The following NEDD4L variants were observed in gnomAD, a reference collection of about 807,000 sequenced individuals.
The protein encoded by NEDD4L is NEDD4 like E3 ubiquitin protein ligase.
In NEDD4L, 54 loss-of-function variants were observed where a neutral mutation model predicts 148.9. The observed-to-expected ratio is 0.36, with a 90% confidence interval of 0.29 to 0.45. The LOEUF (loss-of-function observed/expected upper bound fraction) is 0.45. Ranked by LOEUF, NEDD4L falls within the 20% of genes least tolerant of loss-of-function variation. The probability of loss-of-function intolerance (pLI) is 1.00; values close to 1 mark genes in which losing one functional copy is unlikely to be tolerated. For missense variants in NEDD4L, 856 were observed against 1,233.8 expected (o/e 0.69, Z 4.59); for synonymous variants, 433 against 440.7 (o/e 0.98, Z 0.22).
chr18:58,343,416 T>C (rs1568777982), intron 16 of NEDD4L, among the ~76,000 whole-genome samples: 1 of 152,214 alleles, frequency 6.6e-6, no homozygotes, highest in Admixed American at 6.5e-5. Context: ...ATTGATCCCG[T>C]CTCACAAAGT....
intron 1 of NEDD4L, among the ~76,000 whole-genome samples, chr18:58,124,487 T>G (rs577837): frequency 0.88 from 133,603 of 152,184 alleles, 58,704 homozygotes; most frequent in East Asian, 0.93. Flanking sequence ...TCTCCATCCA[T>G]CCCAAACCTT....
intron 2 of NEDD4L, among the ~76,000 whole-genome samples, chr18:58,220,831 C>T (rs905156767): frequency 6.6e-6 from 1 of 152,042 alleles, no homozygotes; most frequent in Non-Finnish European, 1.5e-5. Context: ...GTTTGACTTG[C>T]TCTTGGAATT....
At chr18:58,286,557 C>G (rs934234340) in intron 5 of NEDD4L, among the ~76,000 whole-genome samples, 2 of 152,126 alleles carry the variant, frequency 1.3e-5, no homozygotes, top group African/African-American at 4.8e-5. Flanking sequence ...CTTATCTAGT[C>G]TGCACTCTTT....
chr18:58,367,655 CTG>C, intron 21 of NEDD4L, 89 bp from the exon 22 acceptor site: 1 of 1,394,464 alleles, frequency 7.2e-7, no homozygotes, highest in Non-Finnish European at 1.0e-6. Context: ...CGCAGGGACA[CTG>C]TAAAAGTTGA....
At chr18:58,315,393 G>C (rs529213922) in intron 5 of NEDD4L, among the ~76,000 whole-genome samples, 1 of 152,074 alleles carries the variant, frequency 6.6e-6, no homozygotes, top group Non-Finnish European at 1.5e-5. Context: ...TGTGGAGAGG[G>C]AGAGGCATGG....
At chr18:58,077,777 A>G (rs963384995) in intron 1 of NEDD4L, among the ~76,000 whole-genome samples, 17 of 152,078 alleles carry the variant, frequency 1.1e-4, no homozygotes, top group African/African-American at 4.1e-4. Flanking sequence ...CTGACCATAG[A>G]GCTCCATTTT....
intron 6 of NEDD4L, among the ~76,000 whole-genome samples, chr18:58,317,333 AC>A (rs2149428851): frequency 6.6e-6 from 1 of 152,236 alleles, no homozygotes; most frequent in South Asian, 2.1e-4. Flanking sequence ...GTGAGCAAAG[AC>A]CTCGCATCCT....
chr18:58,390,604 G>A (rs1276299203), intron 28 of NEDD4L, 42 bp from the exon 29 acceptor site: 3 of 1,262,190 alleles, frequency 2.4e-6, no homozygotes, highest in South Asian at 1.3e-5. Context: ...ATGTGCCATG[G>A]GTCACGTGGG....
chr18:58,134,090 T>A (rs2044722888), intron 1 of NEDD4L, among the ~76,000 whole-genome samples: 1 of 152,200 alleles, frequency 6.6e-6, no homozygotes, highest in South Asian at 2.1e-4. Context: ...AACCTCCATC[T>A]CCTGGGTTTA....
At chr18:58,353,605 T>C (rs537742983) in intron 18 of NEDD4L, among the ~76,000 whole-genome samples, 10 of 152,354 alleles carry the variant, frequency 6.6e-5, no homozygotes, top group African/African-American at 2.4e-4. Context: ...CATTTGCCTT[T>C]CCACAAAATT....
chr18:58,093,954 A>G (rs752267466), intron 1 of NEDD4L, among the ~76,000 whole-genome samples: 7 of 152,168 alleles, frequency 4.6e-5, no homozygotes, highest in Non-Finnish European at 1.0e-4. Context: ...TTCCAGAGTG[A>G]TTGAGGCAGG....
At chr18:58,265,842 G>A (rs564661954) in intron 5 of NEDD4L, among the ~76,000 whole-genome samples, 1 of 152,210 alleles carries the variant, frequency 6.6e-6, no homozygotes, top group Non-Finnish European at 1.5e-5. Context: ...GGGTTTACAG[G>A]CATGAGACAC....
At chr18:58,371,203 A>ATTTTTTTTTTTTTTTTTTT (rs34960405) in intron 23 of NEDD4L, among the ~76,000 whole-genome samples, 4 of 92,968 alleles carry the variant, frequency 4.3e-5, no homozygotes, top group Admixed American at 1.2e-4. Context: ...TGCCTGGCTA[A>ATTTTTTTTTTTTTTTTTTT]TTTTTTTTTT....
At chr18:58,125,520 A>G (rs931715815) in intron 1 of NEDD4L, among the ~76,000 whole-genome samples, 1 of 152,142 alleles carries the variant, frequency 6.6e-6, no homozygotes, top group East Asian at 1.9e-4. Flanking sequence ...TCAGGTCCTC[A>G]GTGGCCCATC....
At chr18:58,161,737 C>T (rs1226309969) in intron 1 of NEDD4L, among the ~76,000 whole-genome samples, 1 of 152,132 alleles carries the variant, frequency 6.6e-6, no homozygotes, top group Non-Finnish European at 1.5e-5. Flanking sequence ...GGGTGCTTGG[C>T]TCTACTCCCT....
At chr18:58,295,458 T>G (rs1022196007) in intron 5 of NEDD4L, among the ~76,000 whole-genome samples, 3 of 152,194 alleles carry the variant, frequency 2.0e-5, no homozygotes, top group Non-Finnish European at 4.4e-5. Flanking sequence ...CTCATTTCTT[T>G]TTAGTGCTGG....
chr18:58,089,126 A>ATTTTTTTTTTT (rs570623396), intron 1 of NEDD4L, among the ~76,000 whole-genome samples: 4 of 100,974 alleles, frequency 4.0e-5, no homozygotes, highest in African/African-American at 1.2e-4. Flanking sequence ...TTATTTCATA[A>ATTTTTTTTTTT]TTTTTTTTTT....
intron 25 of NEDD4L, among the ~76,000 whole-genome samples, chr18:58,385,241 C>G (rs1313284408): frequency 2.0e-5 from 3 of 152,162 alleles, no homozygotes; most frequent in African/African-American, 2.4e-5. Flanking sequence ...GCATTTAAAG[C>G]ATTTTAAAGC....
At chr18:58,261,834 A>C (rs548268896) in intron 5 of NEDD4L, among the ~76,000 whole-genome samples, 1 of 152,338 alleles carries the variant, frequency 6.6e-6, no homozygotes, top group South Asian at 2.1e-4. Context: ...CAGGTTAGCT[A>C]TCCTAAATAC....
Sources: gnomAD v4.1 joint callset for allele counts (sites outside exome capture counted in the v4.1 genomes callset) on GRCh38, gnomAD v4.1.1 for gene constraint, MANE v1.5 for transcripts, NCBI Gene and HGNC (gene_info 2026-07-23, HGNC 2026-07-21) for gene names.